Variants in PITPNM3 observed in about 807,000 individuals in gnomAD.
The protein encoded by PITPNM3 is PITPNM family member 3, also known as membrane-associated phosphatidylinositol transfer protein 3.
A neutral mutation model predicts 102.0 loss-of-function variants in PITPNM3; 26 were observed. That is an observed-to-expected ratio of 0.25 (90% CI 0.19 to 0.35). PITPNM3 has a LOEUF of 0.35. PITPNM3 is among the 10% of genes least tolerant of loss of function. PITPNM3 has a pLI of 1.00. For synonymous variants in PITPNM3, 578 were observed against 558.6 expected (o/e 1.03, Z -0.49); for missense variants, 1,083 against 1,346.1 (o/e 0.80, Z 3.06).
At chr17:6,462,189 A>ACCT (rs1271553721) in intron 17 of PITPNM3, among the ~76,000 whole-genome samples, 2 of 152,248 alleles carry the variant, frequency 1.3e-5, no homozygotes, top group Non-Finnish European at 2.9e-5. Flanking sequence ...AATCCCAAAC[A>ACCT]TGCATAGCAA....
rs184613446 is a variant in PITPNM3 at position 6,498,372 on chromosome 17, G to T, written c.274+5155C>A. ...CCTGGGGAAACGGGAGAGCTGACAG[G>T]AAGAGGGGAAAGTGGTCGGGTAAGG... On this transcript the variant is annotated intron_variant, in intron 4 of 19. Coordinates refer to ENST00000262483, the MANE Select transcript of PITPNM3 (RefSeq NM_031220.4). Among the ~76,000 whole-genome samples, 91 of 152,360 alleles carry T rather than the reference G, an allele frequency of 6.0e-4. 2 individuals carry two copies. Among genetic ancestry groups the T allele is most frequent in the African/African-American group, 2.1e-3 (86 of 41,580 alleles).
chr17:6,501,838 C>T (rs1275690305), intron 4 of PITPNM3, among the ~76,000 whole-genome samples: 2 of 152,210 alleles, frequency 1.3e-5, no homozygotes, highest in African/African-American at 4.8e-5. Flanking sequence ...CCCCCGTGGC[C>T]TTGCATGGTG....
intron 4 of PITPNM3, among the ~76,000 whole-genome samples, chr17:6,487,646 T>C (rs1432943088): frequency 1.3e-5 from 2 of 152,200 alleles, no homozygotes; most frequent in African/African-American, 4.8e-5. Flanking sequence ...GGTCCTGTTG[T>C]CTCCTGGGCA....
In PITPNM3 at chr17:6,537,114, C is replaced by T. The variant is rs1909478892; in HGVS notation, c.118+873G>A. ...TTTCAATCCCAACGTCAACAATGCT[C>T]CTTCCTATGTCTCATGGGTTGGCCG... On this transcript the variant is annotated intron_variant, in intron 2 of 19. Transcript: ENST00000262483. The surrounding 1 kb of genome is among the most constrained non-coding windows in gnomAD (Gnocchi z 4.4). Among the ~76,000 whole-genome samples the T allele has an allele frequency of 6.6e-6, 1 of 152,196 alleles. No individual in the cohort carries two copies. Among genetic ancestry groups the T allele is most frequent in the African/African-American group, 2.4e-5 (1 of 41,440 alleles).
intron 4 of PITPNM3, among the ~76,000 whole-genome samples, chr17:6,486,950 G>A (rs1317193103): frequency 1.3e-5 from 2 of 152,158 alleles, no homozygotes; most frequent in Admixed American, 6.5e-5. Context: ...CTTGCCCCAC[G>A]TACCTTAAAG....
chr17:6,555,534 G>A (rs1407751817), intron 1 of PITPNM3, among the ~76,000 whole-genome samples: 1 of 152,292 alleles, frequency 6.6e-6, no homozygotes, highest in Non-Finnish European at 1.5e-5. Flanking sequence ...GGCCCTGTGG[G>A]CACAGCTGTC....
chr17:6,533,254 G>A (rs1909238617), intron 2 of PITPNM3, among the ~76,000 whole-genome samples: 1 of 152,106 alleles, frequency 6.6e-6, no homozygotes, highest in East Asian at 1.9e-4. Context: ...GAGCGACCAT[G>A]CCTGGCCCCT....
chr17:6,555,226 A>T (rs1414968036), intron 1 of PITPNM3, among the ~76,000 whole-genome samples: 1 of 151,996 alleles, frequency 6.6e-6, no homozygotes, highest in Admixed American at 6.5e-5. Context: ...CCCCGACAGG[A>T]CTCCTTGGGG....
At chr17:6,532,780 C>T (rs537100060) in intron 2 of PITPNM3, among the ~76,000 whole-genome samples, 11 of 152,048 alleles carry the variant, frequency 7.2e-5, no homozygotes, top group Non-Finnish European at 1.6e-4. Flanking sequence ...TGAGCAAGTT[C>T]TCAGGTGGAC....
rs1387129988 is a variant in PITPNM3, at chr17:6,537,248, TTTTC to T, written c.118+735_118+738del. On this transcript the variant is annotated intron_variant, in intron 2 of 19. Coordinates refer to ENST00000262483, the MANE Select transcript of PITPNM3 (RefSeq NM_031220.4). The surrounding 1 kb of genome is among the most constrained non-coding windows in gnomAD (Gnocchi z 4.4). ...CCTGCATCTATGAGGCTCATTTATTTTTTCTTTCTTTTTTTTTTTTTTTTTTCTG... is the reference window on the plus strand; with the variant it reads ...CCTGCATCTATGAGGCTCATTTATTTTTTCTTTTTTTTTTTTTTTTTTCTG... Among the ~76,000 whole-genome samples the T allele has an allele frequency of 3.4e-5, 5 of 148,200 alleles. No homozygotes were observed. The highest frequency in any genetic ancestry group is 5.9e-5 in the Non-Finnish European group (4 of 67,774).
intron 15 of PITPNM3, 25 bp downstream of exon 15, chr17:6,464,630 G>A: frequency 6.3e-7 from 1 of 1,597,404 alleles, no homozygotes; most frequent in Non-Finnish European, 8.6e-7. Context: ...GAGTGGCTGA[G>A]GAGGGGAGGC....
chr17:6,526,314 A>G (rs1316608986), intron 2 of PITPNM3, among the ~76,000 whole-genome samples: 1 of 152,214 alleles, frequency 6.6e-6, no homozygotes, highest in Admixed American at 6.5e-5. Flanking sequence ...CTACAAAGGG[A>G]CATTTCTTCA....
chr17:6,495,212 T>C (rs1018591331), intron 4 of PITPNM3, among the ~76,000 whole-genome samples: 2 of 151,662 alleles, frequency 1.3e-5, no homozygotes, highest in South Asian at 2.1e-4. Flanking sequence ...TTTTATACCA[T>C]GTATATGTGC....
At chr17:6,476,952 G>C (rs1235910632) in intron 9 of PITPNM3, 77 bp downstream of exon 9, 3 of 1,534,182 alleles carry the variant, frequency 2.0e-6, no homozygotes, top group African/African-American at 2.7e-5. Context: ...GGAAGGGCCT[G>C]GGACATCTGA....
Position 6,478,643 on chromosome 17 carries a change from C to A in PITPNM3, c.681G>T (p.Pro227=), listed in dbSNP as rs145074426. 2 of 1,613,792 alleles carry A rather than the reference C, an allele frequency of 1.2e-6. No individual in the cohort carries two copies. The highest frequency in any genetic ancestry group is 1.7e-6 in the Non-Finnish European group (2 of 1,179,926). ...CGGTGGCGACAGCATCCTGGTACTG[C>A]GGGGAGGAGATGGCCAACAGGGGAA... ...AALPLLAISS[P]QYQDAVATVI... The change falls in exon 7 of 20, where the codon CCG becomes CCT. Residue 227 remains proline (P), a synonymous_variant. Transcript: ENST00000262483. This position sits in a 1 kb window ranked among gnomAD's most constrained non-coding sequence, Gnocchi z 4.4.
intron 1 of PITPNM3, among the ~76,000 whole-genome samples, chr17:6,544,625 G>GTCTCTCTCTCTC (rs67144965): frequency 3.6e-5 from 5 of 137,302 alleles, no homozygotes; most frequent in African/African-American, 5.7e-5. Context: ...TTTGAATGGT[G>GTCTCTCTCTCTC]TCTCTCTCTC....
chr17:6,532,962 GTTA>G lies in PITPNM3; in HGVS notation c.118+5022_118+5024del, dbSNP rs370929138. Among the ~76,000 whole-genome samples the G allele has an allele frequency of 4.2e-3, 639 of 152,112 alleles. 6 individuals carry two copies. The highest frequency in any genetic ancestry group is 0.014 in the African/African-American group (585 of 41,504). ...TCCCAGTGCCTCCACATCTTGGTAA[GTTA>G]TTATTATTATTATTGAGACGGCGTT... is the stretch of plus-strand genomic sequence containing the variant. On this transcript the variant is annotated intron_variant, in intron 2 of 19. Transcript: ENST00000262483.
intron 4 of PITPNM3, among the ~76,000 whole-genome samples, chr17:6,488,356 A>C (rs1483331287): frequency 2.0e-5 from 3 of 152,026 alleles, no homozygotes; most frequent in African/African-American, 7.3e-5. Flanking sequence ...AACCCTGCTC[A>C]ATGGCTATCA....
intron 2 of PITPNM3, among the ~76,000 whole-genome samples, chr17:6,536,092 A>G (rs1909411606): frequency 6.6e-6 from 1 of 151,970 alleles, no homozygotes; most frequent in Non-Finnish European, 1.5e-5. Context: ...AAAGAAAAAA[A>G]AAAAAGGAGA....
Sources: allele counts gnomAD v4.1 joint callset (sites outside exome capture counted in the v4.1 genomes callset), GRCh38; gene constraint gnomAD v4.1.1; non-coding constraint Gnocchi (gnomAD v3.1); transcripts MANE v1.5; gene names NCBI Gene and HGNC (gene_info 2026-07-23, HGNC 2026-07-21).